The following GPC6 variants were observed in gnomAD, a reference collection of about 807,000 sequenced individuals.
GPC6 encodes glypican-6.
Under a neutral mutation model 55.2 loss-of-function variants are expected in GPC6, and 14 were observed. The observed-to-expected ratio is 0.25, with a 90% CI of 0.17 to 0.40. The LOEUF (loss-of-function observed/expected upper bound fraction) is 0.40, where lower values mean the gene tolerates loss of function less well. Ranked by LOEUF, GPC6 falls within the 10% of genes least tolerant of loss-of-function variation. The pLI is 1.00. For missense variants in GPC6, 641 were observed against 708.5 expected (o/e 0.90, Z 1.08); for synonymous variants, 278 against 259.6 (o/e 1.07, Z -0.68).
intron 2 of GPC6, among the ~76,000 whole-genome samples, chr13:93,762,097 T>C (rs1025507415): frequency 1.3e-5 from 2 of 152,196 alleles, no homozygotes; most frequent in Admixed American, 6.5e-5. Context: ...TTTGATTTTT[T>C]ACACCCCACA....
intron 1 of GPC6, among the ~76,000 whole-genome samples, chr13:93,357,908 A>C (rs1456714287): frequency 6.6e-6 from 1 of 152,228 alleles, no homozygotes; most frequent in Admixed American, 6.5e-5. Flanking sequence ...TTATCTGAGA[A>C]TAGATGGTGT....
intron 6 of GPC6, among the ~76,000 whole-genome samples, chr13:94,375,001 C>CT (rs1879771877): frequency 6.8e-6 from 1 of 148,012 alleles, no homozygotes; most frequent in Admixed American, 6.7e-5. Context: ...TAAAGATGTT[C>CT]TTTGAAACCA....
At chr13:93,849,865 C>T (rs1351140147) in intron 3 of GPC6, among the ~76,000 whole-genome samples, 2 of 151,974 alleles carry the variant, frequency 1.3e-5, no homozygotes, top group African/African-American at 2.4e-5. Context: ...ATGATGGGAA[C>T]ATTTTTACCG....
chr13:94,340,369 T>C (rs1394660719), intron 6 of GPC6, among the ~76,000 whole-genome samples: 1 of 151,982 alleles, frequency 6.6e-6, no homozygotes, highest in Admixed American at 6.6e-5. Context: ...TATCAAGAAT[T>C]AGAAATTAAA....
intron 6 of GPC6, among the ~76,000 whole-genome samples, chr13:94,375,653 A>C (rs1402942351): frequency 6.8e-6 from 1 of 146,508 alleles, no homozygotes; most frequent in African/African-American, 2.5e-5. Flanking sequence ...TTCTGAAACT[A>C]TTCCAATCAA....
intron 2 of GPC6, among the ~76,000 whole-genome samples, chr13:93,805,869 T>C (rs1162887738): frequency 6.6e-6 from 1 of 152,198 alleles, no homozygotes; most frequent in Non-Finnish European, 1.5e-5. Context: ...TGGCTCCTTT[T>C]CTTTCCCTGT....
intron 3 of GPC6, among the ~76,000 whole-genome samples, chr13:93,924,360 A>G (rs1282255708): frequency 6.6e-6 from 1 of 152,208 alleles, no homozygotes; most frequent in East Asian, 1.9e-4. Context: ...GCACAGAGCT[A>G]TTACAATCGT....
At chr13:93,398,956 G>T (rs146008035) in intron 1 of GPC6, among the ~76,000 whole-genome samples, 1 of 151,902 alleles carries the variant, frequency 6.6e-6, no homozygotes, top group East Asian at 1.9e-4. Context: ...TTAGTGTTTC[G>T]CAAATCATTA....
intron 1 of GPC6, among the ~76,000 whole-genome samples, chr13:93,378,996 GAA>G (rs71202582): frequency 7.3e-6 from 1 of 136,984 alleles, no homozygotes; most frequent in African/African-American, 2.8e-5. Context: ...CTCCATCTCA[GAA>G]AAAAAAAAAA....
chr13:93,228,584 G>T (rs190186914), intron 1 of GPC6, among the ~76,000 whole-genome samples: 3 of 152,264 alleles, frequency 2.0e-5, no homozygotes, highest in Admixed American at 2.0e-4. Context: ...AGCTCCAACC[G>T]AATCCGAGCT....
chr13:93,959,325 G>C (rs966727597), intron 3 of GPC6, among the ~76,000 whole-genome samples: 1 of 151,976 alleles, frequency 6.6e-6, no homozygotes, highest in Non-Finnish European at 1.5e-5. Flanking sequence ...ACCACACCCG[G>C]CTAATTTTTG....
At chr13:93,734,764 A>G (rs907979594) in intron 2 of GPC6, among the ~76,000 whole-genome samples, 7 of 152,148 alleles carry the variant, frequency 4.6e-5, no homozygotes, top group Non-Finnish European at 7.3e-5. Flanking sequence ...TGATTATTGT[A>G]ATTACATGTT....
At chr13:93,406,235 G>A (rs971486291) in intron 1 of GPC6, among the ~76,000 whole-genome samples, 15 of 152,234 alleles carry the variant, frequency 9.9e-5, no homozygotes, top group African/African-American at 3.6e-4. Context: ...CATGCCACAC[G>A]ATCAGTTAAA....
intron 2 of GPC6, among the ~76,000 whole-genome samples, chr13:93,555,556 T>C (rs1210963100): frequency 6.6e-6 from 1 of 152,202 alleles, no homozygotes; most frequent in Non-Finnish European, 1.5e-5. Flanking sequence ...CTGGAATTCA[T>C]ATGTGATATC....
At chr13:93,739,998 T>C (rs1884145865) in intron 2 of GPC6, among the ~76,000 whole-genome samples, 1 of 152,140 alleles carries the variant, frequency 6.6e-6, no homozygotes, top group Admixed American at 6.5e-5. Flanking sequence ...AAGGCTTCAC[T>C]GAATTGGAAT....
intron 6 of GPC6, among the ~76,000 whole-genome samples, chr13:94,332,196 C>T (rs1288385643): frequency 1.3e-5 from 2 of 152,090 alleles, no homozygotes; most frequent in East Asian, 1.9e-4. Flanking sequence ...TTTTCTCATC[C>T]TTTTTTGGCT....
chr13:94,316,262 G>A (rs979735027), intron 6 of GPC6, among the ~76,000 whole-genome samples: 8 of 152,074 alleles, frequency 5.3e-5, no homozygotes, highest in African/African-American at 1.7e-4. Flanking sequence ...ATCCTTTTTC[G>A]GTCAGGCTGA....
upstream of GPC6, among the ~76,000 whole-genome samples, chr13:93,225,509 T>G (rs1278583887): frequency 1.1e-3 from 1 of 940 alleles, no homozygotes; most frequent in Non-Finnish European, 0.056. Flanking sequence ...TTTTGTTTTG[T>G]TTTTTTTTTT....
At chr13:93,279,970 T>C (rs1176900156) in intron 1 of GPC6, among the ~76,000 whole-genome samples, 3 of 152,192 alleles carry the variant, frequency 2.0e-5, no homozygotes, top group African/African-American at 7.2e-5. Flanking sequence ...TGTACGAACA[T>C]AGTGGGAAAT....
Sources: allele counts gnomAD v4.1 joint callset (sites outside exome capture counted in the v4.1 genomes callset), GRCh38; gene constraint gnomAD v4.1.1; transcripts MANE v1.5; gene names NCBI Gene and HGNC (gene_info 2026-07-23, HGNC 2026-07-21).